AOPEP: variants seen among roughly 807,000 people sequenced by gnomAD.
AOPEP encodes aminopeptidase O (putative).
Under a neutral mutation model 98.1 loss-of-function variants are expected in AOPEP, and 77 were observed. The ratio of observed to expected loss-of-function variants is 0.78; its 90% CI spans 0.65 to 0.95. The LOEUF (loss-of-function observed/expected upper bound fraction) is 0.95, where lower values mean the gene tolerates loss of function less well. Among genes scored for constraint, AOPEP ranks in the 40% least tolerant of loss-of-function variants. The probability of loss-of-function intolerance (pLI) is 0.00; values close to 1 mark genes in which losing one functional copy is unlikely to be tolerated. For missense variants in AOPEP, 1,024 were observed against 1,024.7 expected (o/e 1.00, Z 0.01); for synonymous variants, 346 against 365.3 (o/e 0.95, Z 0.60).
the AOPEP span, among the ~76,000 whole-genome samples, chr9:95,142,288 C>G: frequency 6.6e-6 from 1 of 151,834 alleles, no homozygotes; most frequent in South Asian, 2.1e-4. Flanking sequence ...CCACCGTGCC[C>G]GGCCACCAAC....
chr9:94,932,921 A>G, intron 7 of AOPEP: 1 of 985,424 alleles, frequency 1.0e-6, no homozygotes, highest in Non-Finnish European at 1.2e-6. Context: ...GAGAGCCTGT[A>G]ATGTGGCTAC....
chr9:95,100,958 T>C, the AOPEP span: 1 of 233,228 alleles, frequency 4.3e-6, no homozygotes, highest in Non-Finnish European at 8.5e-6. Context: ...GAATTTCCAA[T>C]TCCCATTTCC....
chr9:94,847,320 C>G (rs1376730458), intron 5 of AOPEP, among the ~76,000 whole-genome samples: 7 of 152,108 alleles, frequency 4.6e-5, no homozygotes, highest in African/African-American at 1.7e-4. Flanking sequence ...CTTCCATTCA[C>G]CTAAGGAGTT....
At chr9:95,055,595 C>T (rs2066751188) in intron 13 of AOPEP, among the ~76,000 whole-genome samples, 1 of 152,166 alleles carries the variant, frequency 6.6e-6, no homozygotes. Context: ...AAGCTGTTTC[C>T]TCCCATTCCT....
intron 9 of AOPEP, 89 bp downstream of exon 9, chr9:94,956,104 G>A: frequency 1.3e-6 from 1 of 755,052 alleles, no homozygotes; most frequent in Non-Finnish European, 2.2e-6. Flanking sequence ...TAAAGAGTAG[G>A]GAAAAGGTTT....
intron 5 of AOPEP, among the ~76,000 whole-genome samples, chr9:94,860,315 C>T (rs993343945): frequency 6.6e-6 from 1 of 151,654 alleles, no homozygotes; most frequent in Non-Finnish European, 1.5e-5. Flanking sequence ...ATCATAAGGG[C>T]GTCAGACCAA....
At chr9:94,860,533 G>A (rs2044808483) in intron 5 of AOPEP, among the ~76,000 whole-genome samples, 2 of 152,166 alleles carry the variant, frequency 1.3e-5, no homozygotes, top group South Asian at 4.1e-4. Context: ...CGCAATCCAG[G>A]CAGGAGATGA....
chr9:94,918,955 G>C (rs901677497), intron 5 of AOPEP, among the ~76,000 whole-genome samples: 29 of 150,324 alleles, frequency 1.9e-4, no homozygotes, highest in Non-Finnish European at 2.5e-4. Flanking sequence ...TCGCACTGTT[G>C]CCTGGGCTGG....
intron 5 of AOPEP, among the ~76,000 whole-genome samples, chr9:94,915,680 T>C (rs1264766129): frequency 2.0e-5 from 3 of 152,190 alleles, no homozygotes; most frequent in Non-Finnish European, 4.4e-5. Context: ...TCAGGCCTCT[T>C]GTTGTACAGA....
intron 10 of AOPEP, among the ~76,000 whole-genome samples, chr9:94,969,548 T>C (rs966761460): frequency 3.5e-4 from 53 of 151,728 alleles, no homozygotes; most frequent in African/African-American, 1.2e-3. Flanking sequence ...GCTGGGACTA[T>C]AGGCGCCCGC....
intron 2 of AOPEP, among the ~76,000 whole-genome samples, chr9:94,771,198 G>A (rs1354891921): frequency 6.6e-6 from 1 of 152,106 alleles, no homozygotes; most frequent in African/African-American, 2.4e-5. Context: ...CAGTCTTTTG[G>A]GGAGGATTTC....
At chr9:94,739,296 A>G (rs920579900) in intron 1 of AOPEP, among the ~76,000 whole-genome samples, 2 of 152,202 alleles carry the variant, frequency 1.3e-5, no homozygotes, top group African/African-American at 4.8e-5. Flanking sequence ...ACTAATCCTT[A>G]TGGAAAAATA....
chr9:94,780,731 A>T (rs1564121566), intron 3 of AOPEP, among the ~76,000 whole-genome samples: 1 of 152,252 alleles, frequency 6.6e-6, no homozygotes, highest in Non-Finnish European at 1.5e-5. Context: ...GATTGGTCTC[A>T]TAGGACCTCT....
chr9:94,751,664 G>A (rs1319293511), intron 1 of AOPEP, among the ~76,000 whole-genome samples: 4 of 151,648 alleles, frequency 2.6e-5, no homozygotes, highest in African/African-American at 9.7e-5. Flanking sequence ...ATCTCTCTGG[G>A]CTTCTGTGAT....
intron 7 of AOPEP, among the ~76,000 whole-genome samples, chr9:94,951,309 G>T (rs1210188779): frequency 2.0e-5 from 3 of 152,188 alleles, no homozygotes; most frequent in South Asian, 2.1e-4. Context: ...TTCCTCTAAG[G>T]TTCTCCACTT....
At chr9:94,928,657 C>G (rs2054770879) in intron 7 of AOPEP, 126 bp downstream of exon 7, 1 of 649,192 alleles carries the variant, frequency 1.5e-6, no homozygotes, top group African/African-American at 1.8e-5. Flanking sequence ...GCTTCTTGTC[C>G]CCCAGATGTG....
chr9:94,927,852 G>T (rs751271941), intron 6 of AOPEP, among the ~76,000 whole-genome samples: 1 of 152,222 alleles, frequency 6.6e-6, no homozygotes, highest in African/African-American at 2.4e-5. Context: ...GGTCGGGGCC[G>T]TGTGGCCCAG....
chr9:94,929,270 C>G (rs960438154), intron 7 of AOPEP, among the ~76,000 whole-genome samples: 6 of 152,228 alleles, frequency 3.9e-5, no homozygotes, highest in Non-Finnish European at 7.3e-5. Context: ...CATCCAGGAA[C>G]TGCTCCTCTC....
At chr9:95,074,481 C>T (rs1168113693) in intron 14 of AOPEP, among the ~76,000 whole-genome samples, 1 of 152,154 alleles carries the variant, frequency 6.6e-6, no homozygotes. Flanking sequence ...TTTGGAAACC[C>T]GGAAAGTGCT....
Sources: allele counts gnomAD v4.1 joint callset (sites outside exome capture counted in the v4.1 genomes callset), GRCh38; gene constraint gnomAD v4.1.1; transcripts MANE v1.5; gene names NCBI Gene and HGNC (gene_info 2026-07-23, HGNC 2026-07-21).